CNTNAP3B: variants seen among roughly 807,000 people sequenced by gnomAD.
CNTNAP3B encodes contactin-associated protein-like 3B.
Under a neutral mutation model 108.9 loss-of-function variants are expected in CNTNAP3B, and 25 were observed. That is an observed-to-expected ratio of 0.23 (90% CI 0.17 to 0.32). The LOEUF (loss-of-function observed/expected upper bound fraction) is 0.32. CNTNAP3B is among the 10% of genes least tolerant of loss of function. The probability of loss-of-function intolerance (pLI) is 1.00; values close to 1 mark genes in which losing one functional copy is unlikely to be tolerated. For synonymous variants in CNTNAP3B, 103 were observed against 473.4 expected (o/e 0.22, Z 10.16); for missense variants, 252 against 1,210.4 (o/e 0.21, Z 11.75).
At position 42,129,115 on chromosome 9, in the gene CNTNAP3B, C is replaced by G. The variant is rs772104636; in HGVS notation, c.-21G>C. 5.1e-6 allele frequency: 8 copies of G among 1,571,932 alleles called. No homozygotes were observed. The highest frequency in any genetic ancestry group is 1.5e-5 in the African/African-American group (1 of 66,578). Reference sequence around the variant, plus strand: ...GCCATGCTCACTTCAGCCAGGCGCCCTGAGACCCGGGCACGGCGACGGCCG... The same window carrying G: ...GCCATGCTCACTTCAGCCAGGCGCCGTGAGACCCGGGCACGGCGACGGCCG... On this transcript the variant is annotated 5_prime_UTR_variant, in exon 1 of 24. Coordinates refer to ENST00000377561, the MANE Select transcript of CNTNAP3B (RefSeq NM_001201380.3).
At chr9:42,113,088 G>A (rs1324384813) in intron 1 of CNTNAP3B, among the ~76,000 whole-genome samples, 2 of 135,836 alleles carry the variant, frequency 1.5e-5, no homozygotes, top group Non-Finnish European at 3.1e-5. Context: ...TTAGTTTGAC[G>A]ATCTACTCTA....
At chr9:41,924,319 G>A (rs1157818559) in intron 15 of CNTNAP3B, among the ~76,000 whole-genome samples, 8 of 152,414 alleles carry the variant, frequency 5.2e-5, no homozygotes, top group East Asian at 3.9e-4. Flanking sequence ...AAACAAAAGC[G>A]AAGCAAAAGC....
intron 10 of CNTNAP3B, among the ~76,000 whole-genome samples, chr9:41,968,089 C>A (rs1825335023): frequency 6.6e-6 from 1 of 152,226 alleles, no homozygotes; most frequent in Non-Finnish European, 1.5e-5. Flanking sequence ...ACTTTGGGAG[C>A]TACATGCACA....
At chr9:41,935,494 C>A (rs991226400) in intron 14 of CNTNAP3B, among the ~76,000 whole-genome samples, 42 of 152,256 alleles carry the variant, frequency 2.8e-4, no homozygotes, top group Non-Finnish European at 5.0e-4. Flanking sequence ...TATGTCTACA[C>A]CTTAATCTAA....
At chr9:42,103,075 C>T (rs1184420313) in intron 2 of CNTNAP3B, among the ~76,000 whole-genome samples, 1 of 124,114 alleles carries the variant, frequency 8.1e-6, no homozygotes, top group Admixed American at 8.1e-5. Flanking sequence ...TAATCATGTA[C>T]TTTAGTACAA....
chr9:41,950,747 CTTTTTTTTT>C lies in CNTNAP3B; in HGVS notation c.2080+2427_2080+2435del, dbSNP rs1196034038. Among the ~76,000 whole-genome samples, 4 of 92,430 alleles carry C rather than the reference CTTTTTTTTT, an allele frequency of 4.3e-5. No homozygotes were observed. The East Asian group carries it at 1.1e-3, about 25-fold the overall frequency. The allele number at this position is 92,430 out of a possible 152,430, so 60.6% of individuals were successfully genotyped here. On this transcript the variant is annotated intron_variant, in intron 13 of 23. Transcript: ENST00000377561. Reference sequence around the variant, plus strand: ...GAGCAATAGAGCAATAGGAGGAATTCTTTTTTTTTTTTTTTTTTTTTTTTTTGAGACGGA... The same window carrying C: ...GAGCAATAGAGCAATAGGAGGAATTCTTTTTTTTTTTTTTTTTGAGACGGA...
rs548918698 is a variant in CNTNAP3B at position 42,062,536 on chromosome 9, C to G, written c.390+14333G>C. The stretch of plus-strand genomic sequence containing the variant: ...CGAGCTCCCTGTGTGTAGCACAGAG[C>G]TGGGTCTGGTTTTTATAATCCATTA... On this transcript the variant is annotated intron_variant, in intron 3 of 23. Transcript: ENST00000377561. Among the ~76,000 whole-genome samples, 18 of 99,028 alleles carry G rather than the reference C, an allele frequency of 1.8e-4. 1 individual carries two copies. In the East Asian group the frequency reaches 6.9e-3, roughly 38 times the overall value. 65.0% of individuals were successfully genotyped at this position (99,028 alleles called of 152,430 possible).
At chr9:41,982,365 G>GA (rs1231662764) in intron 9 of CNTNAP3B, among the ~76,000 whole-genome samples, 28 of 91,984 alleles carry the variant, frequency 3.0e-4, no homozygotes, top group East Asian at 1.7e-3. Context: ...TAACAAGAAA[G>GA]AAAAAAAAAC....
chr9:42,031,407 T>C (rs1826521815), intron 3 of CNTNAP3B, among the ~76,000 whole-genome samples: 1 of 111,536 alleles, frequency 9.0e-6, no homozygotes, highest in Non-Finnish European at 1.8e-5. Context: ...TGATCTTTGC[T>C]GTATAACTGC....
At chr9:41,948,052 C>T (rs1450539894) in intron 13 of CNTNAP3B, among the ~76,000 whole-genome samples, 2 of 151,096 alleles carry the variant, frequency 1.3e-5, no homozygotes, top group Non-Finnish European at 3.0e-5. Flanking sequence ...ATCTCTTGGC[C>T]CAGATGGTTT....
intron 3 of CNTNAP3B, among the ~76,000 whole-genome samples, chr9:42,022,193 CT>C (rs1305816299): frequency 8.9e-6 from 1 of 112,620 alleles, no homozygotes; most frequent in Non-Finnish European, 1.8e-5. Flanking sequence ...TAAGATTAGC[CT>C]TTTGAGATAT....
chr9:42,031,922 AAATAC>A (rs1826529419), intron 3 of CNTNAP3B, among the ~76,000 whole-genome samples: 1 of 104,844 alleles, frequency 9.5e-6, no homozygotes, highest in Admixed American at 1.0e-4. Context: ...CACTGAACTC[AAATAC>A]AATTTGAAGA....
intron 13 of CNTNAP3B, among the ~76,000 whole-genome samples, chr9:41,940,730 G>C (rs1824315488): frequency 6.6e-6 from 1 of 152,150 alleles, no homozygotes; most frequent in South Asian, 2.1e-4. Context: ...CAGGAGAATG[G>C]CGTGAACCCG....
intron 13 of CNTNAP3B, among the ~76,000 whole-genome samples, chr9:41,950,131 A>T (rs907760312): frequency 9.6e-6 from 1 of 104,596 alleles, no homozygotes; most frequent in Non-Finnish European, 2.1e-5. Context: ...GCAAATAAGC[A>T]TATAAAACAT....
intron 7 of CNTNAP3B, among the ~76,000 whole-genome samples, chr9:41,996,002 C>T (rs1825893055): frequency 7.0e-6 from 1 of 143,538 alleles, no homozygotes; most frequent in South Asian, 2.2e-4. Context: ...CGCCGCTGCA[C>T]TCCAACCTGG....
chr9:41,947,483 A>G (rs1468954421), intron 13 of CNTNAP3B, among the ~76,000 whole-genome samples: 1 of 152,196 alleles, frequency 6.6e-6, no homozygotes, highest in African/African-American at 2.4e-5. Flanking sequence ...AAACTACATG[A>G]AAAACTAAAT....
intron 13 of CNTNAP3B, among the ~76,000 whole-genome samples, chr9:41,938,822 T>C (rs1187459482): frequency 6.6e-6 from 1 of 152,306 alleles, no homozygotes; most frequent in Non-Finnish European, 1.5e-5. Flanking sequence ...CCCATCTTTT[T>C]GCTAACTACC....
chr9:42,030,813 GGAGAGAGAGA>G (rs71274672), intron 3 of CNTNAP3B, among the ~76,000 whole-genome samples: 3 of 65,748 alleles, frequency 4.6e-5, no homozygotes, highest in Non-Finnish European at 8.1e-5. Context: ...GAGAGAGAGA[GGAGAGAGAGA>G]GAGAGAGAGA....
rs914302091 is a variant in CNTNAP3B at position 42,109,808 on chromosome 9, C to T, written c.86-5069G>A. 1.8e-4 allele frequency among the ~76,000 whole-genome samples: 24 copies of T among 134,902 alleles called. 1 individual carries two copies. The highest frequency in any genetic ancestry group is 4.8e-4 in the South Asian group (2 of 4,140). The allele number at this position is 134,902 out of a possible 152,430, so 88.5% of individuals were successfully genotyped here. ...CCAGATGTGATCAAAGACCCTGAGA[C>T]GAGGAAATTATCTTGAATTATCTGG... On this transcript the variant is annotated intron_variant, in intron 1 of 23. Transcript: ENST00000377561.
Sources: allele counts gnomAD v4.1 joint callset (sites outside exome capture counted in the v4.1 genomes callset), GRCh38; gene constraint gnomAD v4.1.1; transcripts MANE v1.5; gene names NCBI Gene and HGNC (gene_info 2026-07-23, HGNC 2026-07-21).